Variants in TENM4 observed in about 807,000 individuals in gnomAD.
The protein encoded by TENM4 is teneurin transmembrane protein 4, also known as teneurin-4.
In TENM4, 82 loss-of-function variants were observed where a neutral mutation model predicts 243.3. The ratio of observed to expected loss-of-function variants is 0.34; its 90% CI spans 0.28 to 0.40. The LOEUF (loss-of-function observed/expected upper bound fraction) is 0.40, where lower values mean the gene tolerates loss of function less well. TENM4 is among the 10% of genes least tolerant of loss of function. The probability of loss-of-function intolerance (pLI) is 1.00; values close to 1 mark genes in which losing one functional copy is unlikely to be tolerated. For missense variants in TENM4, 3,138 were observed against 3,673.3 expected, an observed-to-expected ratio of 0.85 and a Z score of 3.77; for synonymous variants, 1,412 against 1,456.3, an observed-to-expected ratio of 0.97 and a Z score of 0.69.
At chr11:78,824,161 G>T (rs1857798493) in intron 12 of TENM4, among the ~76,000 whole-genome samples, 1 of 152,126 alleles carries the variant, frequency 6.6e-6, no homozygotes, top group African/African-American at 2.4e-5. Context: ...TCCTCATGTT[G>T]CTATAAAGAA....
intron 18 of TENM4, among the ~76,000 whole-genome samples, chr11:78,767,938 A>T (rs543008891): frequency 1.5e-4 from 23 of 152,230 alleles, no homozygotes; most frequent in Non-Finnish European, 2.8e-4. Flanking sequence ...GGAAAGGAGC[A>T]TGGTGCCTTG....
chr11:79,369,680 C>T lies in TENM4; in HGVS notation c.-321+70829G>A, dbSNP rs530849958. ...GGCTCATGTCACTCATCCAACCATC[C>T]CTCTGTCCATCCTACAAGCTCTTCC... On this transcript the variant is annotated intron_variant, in intron 1 of 33. Coordinates refer to ENST00000278550, the MANE Select transcript of TENM4 (RefSeq NM_001098816.3). Among the ~76,000 whole-genome samples the T allele has an allele frequency of 3.3e-5, 5 of 152,260 alleles. No homozygotes were observed. The South Asian group carries it at 1.0e-3, about 32-fold the overall frequency.
At chr11:79,285,050 C>G (rs914937684) in intron 2 of TENM4, among the ~76,000 whole-genome samples, 1 of 151,910 alleles carries the variant, frequency 6.6e-6, no homozygotes, top group Non-Finnish European at 1.5e-5. Context: ...CCATCCTGGC[C>G]AACATGGTGA....
chr11:78,810,056 AG>A (rs60789826), intron 14 of TENM4, among the ~76,000 whole-genome samples: 3,675 of 152,218 alleles, frequency 0.024, 131 homozygotes, highest in African/African-American at 0.077. Context: ...AGAAGAAGGA[AG>A]GGGGAGAAAA....
chr11:78,848,749 G>T (rs1858459782), intron 12 of TENM4, among the ~76,000 whole-genome samples: 1 of 152,118 alleles, frequency 6.6e-6, no homozygotes, highest in African/African-American at 2.4e-5. Flanking sequence ...ACTTTTGCCA[G>T]AAACCATGTC....
chr11:79,223,636 C>T (rs1441196721), intron 2 of TENM4, among the ~76,000 whole-genome samples: 1 of 152,150 alleles, frequency 6.6e-6, no homozygotes, highest in Non-Finnish European at 1.5e-5. Flanking sequence ...CCTTTCCAGC[C>T]CAGTCCCTGG....
chr11:78,888,892 AGC>A (rs971491444), intron 9 of TENM4, among the ~76,000 whole-genome samples: 10 of 152,228 alleles, frequency 6.6e-5, no homozygotes, highest in African/African-American at 2.4e-4. Context: ...TCTAGGGTTA[AGC>A]CAATCTCCCT....
At position 78,821,409 on chromosome 11, in the gene TENM4, G is replaced by C. The variant is rs115853978; in HGVS notation, c.1682-7014C>G. Among the ~76,000 whole-genome samples the C allele has an allele frequency of 2.6e-3, 392 of 152,376 alleles. 5 individuals are homozygous for C. The highest frequency in any genetic ancestry group is 9.2e-3 in the African/African-American group (382 of 41,600). ...AGGGGAAAATAGAGGAAAGAGGTCA[G>C]AGAAGTGGGGATGCCACAATAATCA... On this transcript the variant is annotated intron_variant, in intron 12 of 33. Coordinates refer to ENST00000278550, the MANE Select transcript of TENM4 (RefSeq NM_001098816.3).
chr11:79,307,214 A>G lies in TENM4; in HGVS notation c.-320-9671T>C, dbSNP rs1856640702. ...AGGCAATGTGAATTGCCCCAGATGC[A>G]GAGTGGCAGCGGGAACTAGAAGCAC... On this transcript the variant is annotated intron_variant, in intron 1 of 33. Transcript: ENST00000278550. Among the ~76,000 whole-genome samples, 3 of 152,304 alleles carry G rather than the reference A, an allele frequency of 2.0e-5. No homozygotes were observed. In the South Asian group the frequency reaches 6.2e-4, roughly 32 times the overall value.
intron 1 of TENM4, among the ~76,000 whole-genome samples, chr11:79,377,494 T>A (rs1359551085): frequency 1.3e-5 from 2 of 152,172 alleles, no homozygotes; most frequent in Non-Finnish European, 2.9e-5. Flanking sequence ...GGCCTTTTTT[T>A]CCCTAGCTGA....
chr11:78,721,183 T>C (rs1175756093), intron 24 of TENM4, among the ~76,000 whole-genome samples: 1 of 152,226 alleles, frequency 6.6e-6, no homozygotes, highest in South Asian at 2.1e-4. Context: ...CTGACACAAA[T>C]ACGCTCAAAG....
At chr11:79,196,494 A>G (rs1863629935) in intron 3 of TENM4, among the ~76,000 whole-genome samples, 1 of 152,082 alleles carries the variant, frequency 6.6e-6, no homozygotes, top group South Asian at 2.1e-4. Flanking sequence ...CTGTCTGTGA[A>G]ACTGGGGTCC....
intron 12 of TENM4, among the ~76,000 whole-genome samples, chr11:78,841,925 C>G (rs1033611080): frequency 1.2e-4 from 18 of 152,232 alleles, no homozygotes; most frequent in Non-Finnish European, 2.2e-4. Flanking sequence ...TCTTTGTAAT[C>G]ATCTTCCTAA....
chr11:78,815,974 G>C (rs1857597195), intron 12 of TENM4, among the ~76,000 whole-genome samples: 1 of 152,192 alleles, frequency 6.6e-6, no homozygotes, highest in Non-Finnish European at 1.5e-5. Context: ...CAGAATCTGG[G>C]GAAATGAGCA....
intron 3 of TENM4, among the ~76,000 whole-genome samples, chr11:79,215,309 C>A (rs147227543): frequency 6.6e-6 from 1 of 152,302 alleles, no homozygotes; most frequent in Non-Finnish European, 1.5e-5. Flanking sequence ...TAGACCTGGC[C>A]TCCAGACCAC....
chr11:78,745,396 T>C lies in TENM4; in HGVS notation c.2757-6826A>G, dbSNP rs551723051. Among the ~76,000 whole-genome samples the C allele has an allele frequency of 8.5e-5, 13 of 152,060 alleles. No individual in the cohort carries two copies. The East Asian group carries it at 2.5e-3, about 29-fold the overall frequency. On this transcript the variant is annotated intron_variant, in intron 19 of 33. Coordinates refer to ENST00000278550, the MANE Select transcript of TENM4 (RefSeq NM_001098816.3). ...TGTGCACCACCATGGCCCAGCTAAT[T>C]TTTTGTATTTTTAGTAGAGACAGGG... is the stretch of plus-strand genomic sequence containing the variant.
intron 6 of TENM4, among the ~76,000 whole-genome samples, chr11:78,947,224 T>C (rs1857018937): frequency 6.6e-6 from 1 of 152,178 alleles, no homozygotes; most frequent in Admixed American, 6.5e-5. Flanking sequence ...CTGTATGGTC[T>C]GGATAACCCT....
intron 3 of TENM4, among the ~76,000 whole-genome samples, chr11:79,152,065 T>G (rs1292645875): frequency 6.6e-6 from 1 of 152,110 alleles, no homozygotes; most frequent in Non-Finnish European, 1.5e-5. Flanking sequence ...AAAGAGTACG[T>G]GCTAAATAAA....
chr11:79,068,907 G>T (rs11237707), intron 5 of TENM4, among the ~76,000 whole-genome samples: 4 of 152,046 alleles, frequency 2.6e-5, no homozygotes, highest in African/African-American at 4.8e-5. Context: ...TCTATGCTAG[G>T]GGGAGCTCAG....
Sources: gnomAD v4.1 joint callset for allele counts (sites outside exome capture counted in the v4.1 genomes callset) on GRCh38, gnomAD v4.1.1 for gene constraint, MANE v1.5 for transcripts, NCBI Gene and HGNC (gene_info 2026-07-23, HGNC 2026-07-21) for gene names.